Variants in SLC4A4 observed in about 807,000 individuals in gnomAD.
SLC4A4 encodes the protein solute carrier family 4 member 4, also known as electrogenic sodium bicarbonate cotransporter 1.
A neutral mutation model predicts 111.5 loss-of-function variants in SLC4A4; 27 were observed. The observed-to-expected ratio is 0.24, with a 90% CI of 0.18 to 0.33. SLC4A4 has a LOEUF of 0.33. SLC4A4 is among the 10% of genes least tolerant of loss of function. SLC4A4 has a pLI of 1.00. For missense variants in SLC4A4, 909 were observed against 1,315.5 expected (o/e 0.69, Z 4.78); for synonymous variants, 443 against 463.4 (o/e 0.96, Z 0.57).
intron 1 of SLC4A4, among the ~76,000 whole-genome samples, chr4:71,228,269 A>T (rs1398493291): frequency 1.3e-5 from 2 of 152,106 alleles, no homozygotes; most frequent in East Asian, 3.9e-4. Flanking sequence ...AGTTTAGGAG[A>T]CTTAGCCCTA....
chr4:71,529,368 A>G (rs1017334586), intron 16 of SLC4A4, among the ~76,000 whole-genome samples: 1 of 152,144 alleles, frequency 6.6e-6, no homozygotes, highest in Non-Finnish European at 1.5e-5. Flanking sequence ...TATACCTTAA[A>G]TAATTTCTTA....
chr4:71,145,087 T>A (rs1042167868), intron 2 of SLC4A4, among the ~76,000 whole-genome samples: 7 of 152,220 alleles, frequency 4.6e-5, no homozygotes, highest in African/African-American at 9.6e-5. Context: ...TGTGCGTTTG[T>A]CATAGATAAC....
intron 1 of SLC4A4, among the ~76,000 whole-genome samples, chr4:71,071,615 T>C (rs1296554004): frequency 1.3e-5 from 2 of 152,210 alleles, no homozygotes; most frequent in African/African-American, 4.8e-5. Flanking sequence ...CGTCTTAAGT[T>C]ATCCTTCCAG....
At chr4:71,331,258 G>A (rs1446276759) in intron 3 of SLC4A4, among the ~76,000 whole-genome samples, 1 of 152,164 alleles carries the variant, frequency 6.6e-6, no homozygotes, top group East Asian at 1.9e-4. Context: ...TATAAATCAT[G>A]CTGCTATAAA....
chr4:71,361,860 T>G (rs895148877), intron 6 of SLC4A4, among the ~76,000 whole-genome samples: 1 of 152,224 alleles, frequency 6.6e-6, no homozygotes, highest in African/African-American at 2.4e-5. Context: ...AAGTTTTTTC[T>G]TAATTGGTAT....
At chr4:71,391,143 T>C (rs1252683987) in intron 6 of SLC4A4, among the ~76,000 whole-genome samples, 1 of 152,120 alleles carries the variant, frequency 6.6e-6, no homozygotes, top group Non-Finnish European at 1.5e-5. Flanking sequence ...TCCCAAGCAA[T>C]GAAAATCAGA....
intron 3 of SLC4A4, among the ~76,000 whole-genome samples, chr4:71,267,702 G>A (rs1189837008): frequency 2.8e-5 from 4 of 143,276 alleles, no homozygotes; most frequent in African/African-American, 7.9e-5. Flanking sequence ...GCTGAGGTAC[G>A]AGAATTGTTT....
At chr4:71,181,779 T>C (rs889936279) in intron 2 of SLC4A4, among the ~76,000 whole-genome samples, 1 of 152,172 alleles carries the variant, frequency 6.6e-6, no homozygotes, top group Non-Finnish European at 1.5e-5. Context: ...CCTCGAACAT[T>C]CCTATCTCAG....
rs75676249 is a variant in SLC4A4, at chr4:71,276,164, A to G, written c.253+20765A>G. Among the ~76,000 whole-genome samples the G allele has an allele frequency of 4.1e-3, 621 of 152,308 alleles. 4 individuals carry two copies. The highest frequency in any genetic ancestry group is 0.014 in the African/African-American group (594 of 41,562). ...AATTTTGAGAAACTTTTTATTTTAA[A>G]AAGATTATAGATTTGTAGGAAGTTG... On this transcript the variant is annotated intron_variant, in intron 3 of 25. Transcript: ENST00000264485.
chr4:71,318,431 G>C (rs1173328891), intron 3 of SLC4A4, among the ~76,000 whole-genome samples: 2 of 152,040 alleles, frequency 1.3e-5, no homozygotes, highest in Non-Finnish European at 2.9e-5. Flanking sequence ...TTTTTGAAAT[G>C]AATTCTTGGA....
intron 3 of SLC4A4, among the ~76,000 whole-genome samples, chr4:71,311,492 C>T (rs1298738677): frequency 1.3e-5 from 2 of 152,126 alleles, no homozygotes; most frequent in African/African-American, 4.8e-5. Flanking sequence ...ATAACAGTCT[C>T]TCAGACCACA....
At chr4:71,508,355 G>T (rs968973491) in intron 16 of SLC4A4, among the ~76,000 whole-genome samples, 34 of 151,952 alleles carry the variant, frequency 2.2e-4, no homozygotes, top group South Asian at 6.2e-4. Context: ...TAATAAAGAA[G>T]ATAAGAGAGA....
chr4:71,444,852 G>T (rs936211910), intron 8 of SLC4A4, among the ~76,000 whole-genome samples: 1 of 152,082 alleles, frequency 6.6e-6, no homozygotes, highest in Admixed American at 6.6e-5. Context: ...TTGGCTTGAG[G>T]TTATGTTTCC....
intron 17 of SLC4A4, among the ~76,000 whole-genome samples, chr4:71,534,024 A>G (rs1734176853): frequency 6.6e-6 from 1 of 152,036 alleles, no homozygotes; most frequent in Non-Finnish European, 1.5e-5. Context: ...CTCTTTCTCT[A>G]CTTTCTTTAA....
chr4:71,397,519 A>G (rs1430791679), intron 6 of SLC4A4, 58 bp from the exon 7 acceptor site: 2 of 1,412,224 alleles, frequency 1.4e-6, no homozygotes, highest in African/African-American at 2.8e-5. Flanking sequence ...GTATACCACC[A>G]AAGTCTTTGT....
At chr4:71,237,263 G>T (rs535081376) in intron 2 of SLC4A4, among the ~76,000 whole-genome samples, 37 of 152,242 alleles carry the variant, frequency 2.4e-4, no homozygotes, top group Middle Eastern at 3.4e-3. Context: ...TACTTTCAGC[G>T]GGCATTCCCT....
chr4:71,134,964 G>A (rs1194539336), intron 2 of SLC4A4, among the ~76,000 whole-genome samples: 1 of 152,144 alleles, frequency 6.6e-6, no homozygotes, highest in African/African-American at 2.4e-5. Flanking sequence ...CTCCTGAGGG[G>A]GATGGCATTT....
Position 71,472,835 on chromosome 4 carries a change from T to A in SLC4A4, c.1768T>A (p.Ser590Thr), listed in dbSNP as rs1400826392. ...ACGTTTCACGGAGGAGGGCTTTTCC[T>A]CTCTGATTAGCTTCATCTTTATCTA... The part of the protein sequence containing the change: ...FTRFTEEGFS[S>T]LISFIFIYDA... Residue 590 changes from serine (S) to threonine (T), a missense_variant, in exon 14 of 26, where the codon TCT becomes ACT. By Grantham distance (58) the Ser-to-Thr change is moderately conservative (BLOSUM62 1). This residue lies in a region of SLC4A4 where 264 missense variants were observed against 356.8 expected (regional missense o/e 0.74). Transcript: ENST00000264485. 1 of 1,613,062 alleles carries A rather than the reference T, an allele frequency of 6.2e-7. No individual in the cohort carries two copies. The highest frequency in any genetic ancestry group is 1.7e-5 in the Admixed American group (1 of 59,848).
chr4:71,425,210 G>A (rs981761961), intron 7 of SLC4A4, among the ~76,000 whole-genome samples: 12 of 152,046 alleles, frequency 7.9e-5, no homozygotes, highest in Admixed American at 2.0e-4. Flanking sequence ...GAAGATCATC[G>A]GAGAAATGTG....
Sources: allele counts gnomAD v4.1 joint callset (sites outside exome capture counted in the v4.1 genomes callset), GRCh38; gene constraint gnomAD v4.1.1; regional missense constraint gnomAD v4.1.1; transcripts MANE v1.5; gene names NCBI Gene and HGNC (gene_info 2026-07-23, HGNC 2026-07-21).